Variants in TAFA1 observed in about 807,000 individuals in gnomAD.
TAFA1 encodes TAFA chemokine like family member 1, also known as chemokine-like protein TAFA-1.
TAFA1 carries 4 observed loss-of-function variants against 18.5 expected under a neutral mutation model. The observed-to-expected ratio is 0.22, with a 90% CI of 0.11 to 0.49. The LOEUF (loss-of-function observed/expected upper bound fraction) is 0.49, where lower values mean the gene tolerates loss of function less well. TAFA1 is among the 20% of genes least tolerant of loss of function. The pLI, the probability that TAFA1 is intolerant of heterozygous loss-of-function variation, is 0.98. For missense variants in TAFA1, 147 were observed against 169.0 expected, an observed-to-expected ratio of 0.87 and a Z score of 0.72; for synonymous variants, 56 against 55.2, an observed-to-expected ratio of 1.01 and a Z score of -0.06.
At chr3:68,366,259 C>T (rs1176766658) in intron 2 of TAFA1, among the ~76,000 whole-genome samples, 2 of 152,006 alleles carry the variant, frequency 1.3e-5, no homozygotes, top group Admixed American at 1.3e-4. Flanking sequence ...GGGGACACAG[C>T]CCAATAATAT....
chr3:68,143,532 G>T (rs894777675), intron 2 of TAFA1, among the ~76,000 whole-genome samples: 1 of 152,094 alleles, frequency 6.6e-6, no homozygotes, highest in South Asian at 2.1e-4. Context: ...ATAATTCCTT[G>T]TCGTGGGGAC....
intron 2 of TAFA1, among the ~76,000 whole-genome samples, chr3:68,010,318 T>C (rs573637122): frequency 1.3e-5 from 2 of 152,280 alleles, no homozygotes; most frequent in Admixed American, 1.3e-4. Context: ...TTTCAGTCTC[T>C]CAAGAAATAA....
At chr3:68,470,488 T>G (rs1224029657) in intron 3 of TAFA1, among the ~76,000 whole-genome samples, 1 of 152,200 alleles carries the variant, frequency 6.6e-6, no homozygotes, top group Non-Finnish European at 1.5e-5. Context: ...AGAGACTTGT[T>G]GAATGTCTTT....
chr3:68,186,453 A>T (rs1559551836), intron 2 of TAFA1, among the ~76,000 whole-genome samples: 2 of 152,098 alleles, frequency 1.3e-5, no homozygotes, highest in Admixed American at 6.5e-5. Context: ...TTGTAATAAT[A>T]GATCATTGAA....
intron 2 of TAFA1, among the ~76,000 whole-genome samples, chr3:68,287,665 T>C (rs944513519): frequency 3.3e-5 from 5 of 152,130 alleles, no homozygotes; most frequent in Non-Finnish European, 5.9e-5. Flanking sequence ...TCCGTATGCA[T>C]TTTAAGTGTT....
At chr3:68,384,787 T>C (rs1189198966) in intron 2 of TAFA1, among the ~76,000 whole-genome samples, 1 of 152,038 alleles carries the variant, frequency 6.6e-6, no homozygotes, top group Non-Finnish European at 1.5e-5. Context: ...TTACTATTAT[T>C]GTGTGGGAGT....
intron 3 of TAFA1, among the ~76,000 whole-genome samples, chr3:68,523,709 T>G (rs2313624): frequency 0.79 from 120,202 of 152,076 alleles, 47,600 homozygotes; most frequent in East Asian, 0.9. Flanking sequence ...GCTATTTAAG[T>G]GTATTATGGA....
intron 2 of TAFA1, among the ~76,000 whole-genome samples, chr3:68,248,572 C>T (rs1470113084): frequency 1.3e-5 from 2 of 151,930 alleles, no homozygotes; most frequent in African/African-American, 4.8e-5. Context: ...ATGCACCTGA[C>T]AACAATAACT....
chr3:68,137,119 T>C (rs1228728019), intron 2 of TAFA1, among the ~76,000 whole-genome samples: 1 of 152,156 alleles, frequency 6.6e-6, no homozygotes, highest in Non-Finnish European at 1.5e-5. Context: ...GAGTACTTTA[T>C]GGGAAAAATC....
intron 2 of TAFA1, among the ~76,000 whole-genome samples, chr3:68,039,638 A>T (rs549799883): frequency 5.3e-5 from 8 of 152,284 alleles, no homozygotes; most frequent in Admixed American, 2.0e-4. Context: ...TTAAACCATG[A>T]AGAGTCGCAT....
chr3:68,358,953 A>G (rs1164729664), intron 2 of TAFA1, among the ~76,000 whole-genome samples: 2 of 151,998 alleles, frequency 1.3e-5, no homozygotes, highest in African/African-American at 4.8e-5. Context: ...AGAATTAATC[A>G]GGTATCATCT....
intron 2 of TAFA1, among the ~76,000 whole-genome samples, chr3:68,398,950 A>G (rs1376488127): frequency 6.6e-6 from 1 of 152,168 alleles, no homozygotes; most frequent in Non-Finnish European, 1.5e-5. Context: ...TTTCTCTCTC[A>G]TTTAGTCTAA....
intron 2 of TAFA1, among the ~76,000 whole-genome samples, chr3:68,007,249 C>T (rs1180638681): frequency 2.6e-5 from 4 of 152,168 alleles, no homozygotes; most frequent in Non-Finnish European, 4.4e-5. Context: ...ACTTTCTGTT[C>T]TTCCGGTATG....
At chr3:68,532,057 G>A (rs947116665) in intron 3 of TAFA1, among the ~76,000 whole-genome samples, 3 of 151,792 alleles carry the variant, frequency 2.0e-5, no homozygotes, top group East Asian at 1.9e-4. Context: ...CTCTCTGAAC[G>A]TCCAAATCTG....
intron 2 of TAFA1, among the ~76,000 whole-genome samples, chr3:68,398,407 AC>A (rs2070425995): frequency 6.6e-6 from 1 of 152,170 alleles, no homozygotes; most frequent in Admixed American, 6.5e-5. Context: ...TTACACCTTA[AC>A]AAAAATTAAC....
chr3:68,134,230 G>A (rs1377989746), intron 2 of TAFA1, among the ~76,000 whole-genome samples: 2 of 152,234 alleles, frequency 1.3e-5, no homozygotes, highest in African/African-American at 4.8e-5. Flanking sequence ...ATAGTGAATG[G>A]ATTCAATGTT....
chr3:68,013,565 G>T (rs184234081), intron 2 of TAFA1, among the ~76,000 whole-genome samples: 1 of 152,126 alleles, frequency 6.6e-6, no homozygotes, highest in South Asian at 2.1e-4. Context: ...GCTTCACTTG[G>T]CAAATAGGGA....
chr3:68,020,364 G>T (rs1704661131), intron 2 of TAFA1, among the ~76,000 whole-genome samples: 4 of 151,712 alleles, frequency 2.6e-5, no homozygotes, highest in East Asian at 3.9e-4. Context: ...ACACTTATTT[G>T]CTCCAGGCGT....
chr3:68,113,240 A>G (rs990102927), intron 2 of TAFA1, among the ~76,000 whole-genome samples: 16 of 152,218 alleles, frequency 1.1e-4, no homozygotes, highest in Admixed American at 4.6e-4. Flanking sequence ...ATAGAACAGA[A>G]TGGATTTCTG....
Sources: gnomAD v4.1 joint callset for allele counts (sites outside exome capture counted in the v4.1 genomes callset) on GRCh38, gnomAD v4.1.1 for gene constraint, MANE v1.5 for transcripts, NCBI Gene and HGNC (gene_info 2026-07-23, HGNC 2026-07-21) for gene names.